Variants in CSMD3 observed in about 807,000 individuals in gnomAD.
CSMD3 encodes the protein CUB and sushi domain-containing protein 3.
A neutral mutation model predicts 435.2 loss-of-function variants in CSMD3; 177 were observed. The ratio of observed to expected loss-of-function variants is 0.41; its 90% confidence interval spans 0.36 to 0.46. The LOEUF (loss-of-function observed/expected upper bound fraction) is 0.46, where lower values mean the gene tolerates loss of function less well. Among genes scored for constraint, CSMD3 ranks in the 20% least tolerant of loss-of-function variants. The pLI is 0.34. For synonymous variants in CSMD3, 1,656 were observed against 1,520.5 expected, an observed-to-expected ratio of 1.09 and a Z score of -2.07; for missense variants, 4,265 against 4,504.6, an observed-to-expected ratio of 0.95 and a Z score of 1.52.
At chr8:112,997,087 A>C (rs2085681626) in intron 6 of CSMD3, among the ~76,000 whole-genome samples, 1 of 151,658 alleles carries the variant, frequency 6.6e-6, no homozygotes, top group Admixed American at 6.6e-5. Context: ...TAACCACATC[A>C]TAAGTTGTAA....
At chr8:112,303,798 G>GAT (rs1482626249) in intron 52 of CSMD3, among the ~76,000 whole-genome samples, 1 of 152,042 alleles carries the variant, frequency 6.6e-6, no homozygotes, top group Non-Finnish European at 1.5e-5. Flanking sequence ...TTACACATAA[G>GAT]ATAGTTGTCT....
chr8:112,684,645 T>A (rs2075972675), intron 15 of CSMD3, among the ~76,000 whole-genome samples: 1 of 152,138 alleles, frequency 6.6e-6, no homozygotes, highest in Non-Finnish European at 1.5e-5. Context: ...TTCTTTTTTA[T>A]GTGATTCATC....
At chr8:112,415,306 T>C (rs1406069656) in intron 32 of CSMD3, among the ~76,000 whole-genome samples, 1 of 152,206 alleles carries the variant, frequency 6.6e-6, no homozygotes, top group Admixed American at 6.5e-5. Flanking sequence ...GCTTGAGCCA[T>C]TACTTCAAAG....
intron 13 of CSMD3, among the ~76,000 whole-genome samples, chr8:112,696,441 C>A (rs1346317043): frequency 6.6e-6 from 1 of 152,100 alleles, no homozygotes; most frequent in Non-Finnish European, 1.5e-5. Context: ...ACCATCTGAT[C>A]TTTGACAAAC....
At chr8:112,896,333 C>T (rs2081949234) in intron 10 of CSMD3, among the ~76,000 whole-genome samples, 1 of 151,304 alleles carries the variant, frequency 6.6e-6, no homozygotes, top group Non-Finnish European at 1.5e-5. Flanking sequence ...TTGGAGCTGC[C>T]CGATAGATAT....
At chr8:112,755,103 A>G (rs1470776715) in intron 13 of CSMD3, among the ~76,000 whole-genome samples, 1 of 151,974 alleles carries the variant, frequency 6.6e-6, no homozygotes, top group Non-Finnish European at 1.5e-5. Flanking sequence ...AGGCTGAGGC[A>G]GGCGGATCAC....
chr8:112,931,897 A>G (rs773451403), intron 9 of CSMD3, among the ~76,000 whole-genome samples: 2 of 152,210 alleles, frequency 1.3e-5, no homozygotes, highest in Non-Finnish European at 2.9e-5. Flanking sequence ...ACAATCAGAT[A>G]TCATCTTACC....
At chr8:113,284,710 T>C (rs1271319941) in intron 2 of CSMD3, among the ~76,000 whole-genome samples, 1 of 152,236 alleles carries the variant, frequency 6.6e-6, no homozygotes, top group East Asian at 1.9e-4. Flanking sequence ...CATACTATTT[T>C]ATAGATAAGT....
At chr8:112,850,091 T>C (rs879436432) in intron 11 of CSMD3, among the ~76,000 whole-genome samples, 7 of 152,180 alleles carry the variant, frequency 4.6e-5, no homozygotes, top group Non-Finnish European at 1.0e-4. Context: ...AGAAACATTC[T>C]TCATATATAG....
chr8:112,267,301 A>G (rs1050605454), intron 59 of CSMD3, among the ~76,000 whole-genome samples: 1 of 152,098 alleles, frequency 6.6e-6, no homozygotes, highest in Non-Finnish European at 1.5e-5. Flanking sequence ...CAGTTCGATG[A>G]AATTAAACTG....
At chr8:113,313,201 AG>A (rs2093883579) in intron 2 of CSMD3, 1 of 152,236 alleles carries the variant, frequency 6.6e-6, no homozygotes, top group Non-Finnish European at 1.5e-5. Context: ...TTGCTCAAAA[AG>A]CTGGTGAGCA....
At chr8:112,989,102 T>A (rs965426564) in intron 6 of CSMD3, among the ~76,000 whole-genome samples, 1 of 152,016 alleles carries the variant, frequency 6.6e-6, no homozygotes, top group Non-Finnish European at 1.5e-5. Flanking sequence ...GTACAGACAC[T>A]GTGTTTCCTA....
intron 6 of CSMD3, among the ~76,000 whole-genome samples, chr8:112,988,662 C>T (rs1239986269): frequency 1.3e-5 from 2 of 151,990 alleles, no homozygotes; most frequent in African/African-American, 4.8e-5. Flanking sequence ...CCAACAAAGT[C>T]TTCTCCAATC....
chr8:113,100,296 G>C (rs748288711), intron 4 of CSMD3, among the ~76,000 whole-genome samples: 1 of 151,954 alleles, frequency 6.6e-6, no homozygotes, highest in Non-Finnish European at 1.5e-5. Context: ...AAATGAACTA[G>C]TTGTCTTGTC....
intron 4 of CSMD3, among the ~76,000 whole-genome samples, chr8:113,172,426 G>A (rs1297955470): frequency 1.3e-5 from 2 of 152,136 alleles, no homozygotes; most frequent in African/African-American, 4.8e-5. Flanking sequence ...AATGATAGCG[G>A]TAATTGTGGT....
At chr8:113,031,539 C>G (rs11990304) in intron 5 of CSMD3, among the ~76,000 whole-genome samples, 100,435 of 151,148 alleles carry the variant, frequency 0.66, 35,788 homozygotes, top group East Asian at 0.95. Flanking sequence ...AATAGCTGTT[C>G]CTCTAAAAGG....
intron 3 of CSMD3, among the ~76,000 whole-genome samples, chr8:113,196,876 T>A (rs1269178351): frequency 6.6e-6 from 1 of 151,262 alleles, no homozygotes; most frequent in Admixed American, 6.6e-5. Flanking sequence ...CTAAGCGTGT[T>A]CTTAAAACTT....
At chr8:113,147,845 C>T (rs1336289111) in intron 4 of CSMD3, among the ~76,000 whole-genome samples, 3 of 151,586 alleles carry the variant, frequency 2.0e-5, no homozygotes, top group Non-Finnish European at 3.0e-5. Context: ...TTTGTTAATT[C>T]CCTTCCTAAT....
chr8:113,088,017 A>C (rs1245836293), intron 5 of CSMD3, among the ~76,000 whole-genome samples: 3 of 149,396 alleles, frequency 2.0e-5, no homozygotes, highest in African/African-American at 7.5e-5. Context: ...TTACAAGAAA[A>C]AAACAAACAA....
Sources: allele counts gnomAD v4.1 joint callset (sites outside exome capture counted in the v4.1 genomes callset), GRCh38; gene constraint gnomAD v4.1.1; transcripts MANE v1.5; gene names NCBI Gene and HGNC (gene_info 2026-07-23, HGNC 2026-07-21).